ZNF385C: variants seen among roughly 807,000 people sequenced by gnomAD.
ZNF385C encodes zinc finger protein 385C.
A neutral mutation model predicts 35.4 loss-of-function variants in ZNF385C; 28 were observed. That is an observed-to-expected ratio of 0.79 (90% CI 0.59 to 1.08). The LOEUF (loss-of-function observed/expected upper bound fraction) is 1.08, where lower values mean the gene tolerates loss of function less well. ZNF385C is among the 50% of genes least tolerant of loss of function. The pLI is 0.00. For missense variants in ZNF385C, 605 were observed against 595.6 expected (o/e 1.02, Z -0.16); for synonymous variants, 248 against 248.2 (o/e 1.00, Z 0.01).
At chr17:42,045,265 AT>A (rs1555656536) in intron 2 of ZNF385C, among the ~76,000 whole-genome samples, 1 of 151,942 alleles carries the variant, frequency 6.6e-6, no homozygotes, top group Non-Finnish European at 1.5e-5. Context: ...GTTAGCCAGG[AT>A]GGTCTCGATC....
chr17:42,072,545 C>G (rs1328887540), intron 1 of ZNF385C, among the ~76,000 whole-genome samples: 2 of 152,034 alleles, frequency 1.3e-5, no homozygotes, highest in African/African-American at 4.8e-5. Flanking sequence ...GGGCCCGAGT[C>G]CGGCGCCCGC....
chr17:42,043,277 G>A (rs782108500), intron 2 of ZNF385C: 1 of 1,232,292 alleles, frequency 8.1e-7, no homozygotes, highest in Non-Finnish European at 1.0e-6. Flanking sequence ...TCAAAGTCCA[G>A]CCAGGTAAAC....
chr17:42,052,611 T>C (rs2053304321), intron 2 of ZNF385C, among the ~76,000 whole-genome samples: 1 of 152,118 alleles, frequency 6.6e-6, no homozygotes, highest in Non-Finnish European at 1.5e-5. Flanking sequence ...AAAGACATAT[T>C]TGTGTATACA....
chr17:42,096,677 G>A (rs1380060131), intron 1 of ZNF385C, among the ~76,000 whole-genome samples: 1 of 152,200 alleles, frequency 6.6e-6, no homozygotes, highest in Non-Finnish European at 1.5e-5. Flanking sequence ...TGGGAGGGCA[G>A]AGCAGTGATG....
rs151263750 is a variant in ZNF385C, at chr17:42,031,664, T to C, written c.631A>G (p.Ile211Val). The stretch of plus-strand genomic sequence containing the variant: ...GGGGCTCCACTGGCCAGCGTTGGGA[T>C]TGGGGACACTACAGCCCCATCCTGG... ...QAQDGAVVSP[I>V]PTLASGAPGE... is the part of the protein sequence containing the mutation. The change falls in exon 5 of 9, where the codon ATC (isoleucine) becomes GTC (valine). Residue 211 changes from isoleucine (I) to valine (V), a missense_variant. Coordinates refer to ENST00000692273, the MANE Select transcript of ZNF385C (RefSeq NM_001392013.1). 109 of 1,550,604 alleles carry C rather than the reference T, an allele frequency of 7.0e-5. No homozygotes were observed. The African/African-American group carries it at 7.8e-4, about 11-fold the overall frequency.
At chr17:42,090,108 C>T (rs2053849243) in intron 1 of ZNF385C, among the ~76,000 whole-genome samples, 1 of 152,092 alleles carries the variant, frequency 6.6e-6, no homozygotes, top group Admixed American at 6.6e-5. Flanking sequence ...AGTTTCCCCT[C>T]ACTTGGGAGC....
At chr17:42,090,304 T>G (rs1305570070) in intron 1 of ZNF385C, among the ~76,000 whole-genome samples, 3 of 121,956 alleles carry the variant, frequency 2.5e-5, no homozygotes, top group Admixed American at 7.8e-5. Context: ...TTTTTTTTTT[T>G]GAGATGGAGT....
intron 1 of ZNF385C, among the ~76,000 whole-genome samples, chr17:42,072,614 G>A (rs2053640980): frequency 1.3e-5 from 2 of 151,976 alleles, no homozygotes; most frequent in South Asian, 4.1e-4. Context: ...GCGGCCACCC[G>A]GGGCGGTCCT....
chr17:42,040,612 G>A lies in ZNF385C; in HGVS notation c.251-2727C>T, dbSNP rs1555656038. ...TGAGGCAAGGGCTGCAGCCTCCAGGGTGGGCACCAGGCCAGGCCAGGCCTC... is the reference window on the plus strand; with the variant it reads ...TGAGGCAAGGGCTGCAGCCTCCAGGATGGGCACCAGGCCAGGCCAGGCCTC... On this transcript the variant is annotated intron_variant, in intron 2 of 8. Transcript: ENST00000692273. The A allele has an allele frequency of 3.2e-6, 4 of 1,232,244 alleles. No homozygotes were observed. In the South Asian group the frequency reaches 1.6e-4, roughly 51 times the overall value. 76.3% of individuals were successfully genotyped at this position (1,232,244 alleles called of 1,614,324 possible).
At chr17:42,074,684 C>T (rs1257411211) in intron 1 of ZNF385C, among the ~76,000 whole-genome samples, 1 of 152,120 alleles carries the variant, frequency 6.6e-6, no homozygotes, top group African/African-American at 2.4e-5. Flanking sequence ...CCACCGCGCC[C>T]GGCCAAAGAT....
intron 1 of ZNF385C, among the ~76,000 whole-genome samples, chr17:42,066,868 A>G (rs1466096915): frequency 6.6e-6 from 1 of 152,092 alleles, no homozygotes; most frequent in Non-Finnish European, 1.5e-5. Flanking sequence ...GGAGTTCAAG[A>G]CCAGCCTGGC....
chr17:42,063,029 G>A lies in ZNF385C; in HGVS notation c.28C>T (p.Pro10Ser), dbSNP rs1555658138. 1 of 668,494 alleles carries A rather than the reference G, an allele frequency of 1.5e-6. No homozygotes were observed. The allele number at this position is 668,494 out of a possible 1,614,324, so 41.4% of individuals were successfully genotyped here. Residue 10 changes from proline to serine, a missense_variant, in exon 2 of 9, where the codon CCG (proline) becomes TCG (serine). Coordinates refer to ENST00000692273, the MANE Select transcript of ZNF385C (RefSeq NM_001392013.1). Reference sequence around the variant, plus strand: ...GATATGGGGGTCTCCTTCTCAGCCGGTGGGGGTGGGCTCAGTGGCCGCTTC... The same window carrying A: ...GATATGGGGGTCTCCTTCTCAGCCGATGGGGGTGGGCTCAGTGGCCGCTTC... MKRPLSPPPPAEKETPISGA... is the reference protein window; with the variant it reads MKRPLSPPPSAEKETPISGA...
At chr17:42,072,098 AC>A (rs532829903) in intron 1 of ZNF385C, among the ~76,000 whole-genome samples, 9 of 151,558 alleles carry the variant, frequency 5.9e-5, no homozygotes, top group African/African-American at 2.2e-4. Flanking sequence ...TACTTTTTGC[AC>A]CCCCCAAAAG....
At chr17:42,056,224 T>A (rs1454820674) in intron 2 of ZNF385C, among the ~76,000 whole-genome samples, 4 of 152,214 alleles carry the variant, frequency 2.6e-5, no homozygotes, top group Admixed American at 6.5e-5. Flanking sequence ...TGGTTGACCT[T>A]AAGAAGCTAG....
intron 2 of ZNF385C, among the ~76,000 whole-genome samples, chr17:42,051,287 T>C (rs1395254416): frequency 6.6e-6 from 1 of 151,648 alleles, no homozygotes; most frequent in East Asian, 1.9e-4. Flanking sequence ...TGCAGTGGGG[T>C]TGACAGAGTG....
chr17:42,077,397 G>A (rs1371038690), intron 1 of ZNF385C, among the ~76,000 whole-genome samples: 1 of 152,098 alleles, frequency 6.6e-6, no homozygotes, highest in African/African-American at 2.4e-5. Context: ...TTAGAGAGAG[G>A]GACATTGAGG....
intron 1 of ZNF385C, among the ~76,000 whole-genome samples, chr17:42,071,080 T>C (rs1172153977): frequency 6.6e-6 from 1 of 151,046 alleles, no homozygotes; most frequent in East Asian, 1.9e-4. Flanking sequence ...TCCAGAGGAG[T>C]CACCTGCGCC....
chr17:42,064,531 C>A (rs1305962184), intron 1 of ZNF385C, among the ~76,000 whole-genome samples: 69 of 152,156 alleles, frequency 4.5e-4, no homozygotes, highest in Non-Finnish European at 9.0e-4. Context: ...TTAATGAGGT[C>A]ATACCGGTGG....
intron 1 of ZNF385C, among the ~76,000 whole-genome samples, chr17:42,080,439 C>T (rs1233079968): frequency 6.6e-6 from 1 of 152,202 alleles, no homozygotes; most frequent in Non-Finnish European, 1.5e-5. Flanking sequence ...CCATCCCAGC[C>T]CACTGATTCA....
Sources: gnomAD v4.1 joint callset for allele counts (sites outside exome capture counted in the v4.1 genomes callset) on GRCh38, gnomAD v4.1.1 for gene constraint, MANE v1.5 for transcripts, NCBI Gene and HGNC (gene_info 2026-07-23, HGNC 2026-07-21) for gene names.